EPHA4: variants seen among roughly 807,000 people sequenced by gnomAD.
EPHA4 encodes the protein ephrin type-A receptor 4.
In EPHA4, 19 loss-of-function variants were observed where a neutral mutation model predicts 108.3. The ratio of observed to expected loss-of-function variants is 0.18; its 90% CI spans 0.12 to 0.26. The LOEUF is 0.26. Among genes scored for constraint, EPHA4 ranks in the 10% least tolerant of loss-of-function variants. The pLI, the probability that EPHA4 is intolerant of heterozygous loss-of-function variation, is 1.00. For missense variants in EPHA4, 917 were observed against 1,254.0 expected, an observed-to-expected ratio of 0.73 and a Z score of 4.06; for synonymous variants, 449 against 455.5, an observed-to-expected ratio of 0.99 and a Z score of 0.18.
Position 221,494,404 on chromosome 2 carries a change from G to A in EPHA4, c.979+6613C>T, listed in dbSNP as rs143746387. Among the ~76,000 whole-genome samples the A allele has an allele frequency of 3.4e-3, 521 of 152,310 alleles. 5 individuals are homozygous for A. Among genetic ancestry groups the A allele is most frequent in the African/African-American group, 0.012 (487 of 41,570 alleles). The stretch of plus-strand genomic sequence containing the variant: ...GGATCGCTTGAGGTCAGGAGTTCGA[G>A]ACCAGCCTGGTCAACATAGCGAAAC... On this transcript the variant is annotated intron_variant, in intron 4 of 17. Transcript: ENST00000281821.
chr2:221,432,483 A>G (rs1162762862), intron 14 of EPHA4, among the ~76,000 whole-genome samples: 2 of 152,136 alleles, frequency 1.3e-5, no homozygotes, highest in South Asian at 2.1e-4. Context: ...TGTAATTACT[A>G]TCACTTAGGC....
At chr2:221,510,104 G>C (rs1196228420) in intron 3 of EPHA4, among the ~76,000 whole-genome samples, 1 of 152,182 alleles carries the variant, frequency 6.6e-6, no homozygotes, top group African/African-American at 2.4e-5. Context: ...AGATGGAAAT[G>C]ACCAATGGAT....
In EPHA4 at chr2:221,563,713, C is replaced by A; in HGVS notation, c.823+18G>T. The A allele has an allele frequency of 1.2e-6, 2 of 1,609,368 alleles. No homozygotes were observed. The highest frequency in any genetic ancestry group is 1.7e-6 in the Non-Finnish European group (2 of 1,177,118). Reference sequence around the variant, plus strand: ...GCACTAAGCCCCAGTGAAAAAACTGCAATATGGACCCTCTTACCTTGGCAT... The same window carrying A: ...GCACTAAGCCCCAGTGAAAAAACTGAAATATGGACCCTCTTACCTTGGCAT... On this transcript the variant is annotated intron_variant, in intron 3 of 17. Transcript: ENST00000281821.
chr2:221,543,029 G>A (rs546178244), intron 3 of EPHA4, among the ~76,000 whole-genome samples: 21 of 152,184 alleles, frequency 1.4e-4, no homozygotes, highest in East Asian at 3.9e-4. Context: ...GCTCTTTCTC[G>A]TTATGTTTGT....
At chr2:221,455,692 G>T in intron 7 of EPHA4, 34 bp from the exon 8 acceptor site, 1 of 1,547,994 alleles carries the variant, frequency 6.5e-7, no homozygotes, top group Non-Finnish European at 8.9e-7. Context: ...GTCACCTTTG[G>T]GAAAGTCTTA....
At chr2:221,558,485 T>C (rs1279229376) in intron 3 of EPHA4, among the ~76,000 whole-genome samples, 1 of 152,136 alleles carries the variant, frequency 6.6e-6, no homozygotes, top group South Asian at 2.1e-4. Flanking sequence ...GTCAAACTTA[T>C]ATCATGACCA....
chr2:221,540,030 T>C (rs1693786761), intron 3 of EPHA4, among the ~76,000 whole-genome samples: 1 of 152,084 alleles, frequency 6.6e-6, no homozygotes, highest in Non-Finnish European at 1.5e-5. Context: ...AGCAATCCTC[T>C]CACCACAGAC....
intron 11 of EPHA4, among the ~76,000 whole-genome samples, chr2:221,442,032 C>T (rs990436166): frequency 6.6e-6 from 1 of 152,162 alleles, no homozygotes; most frequent in Non-Finnish European, 1.5e-5. Context: ...TCCACAGACA[C>T]CTTGAATCAA....
intron 10 of EPHA4, 137 bp downstream of exon 10, chr2:221,443,356 T>C: frequency 1.6e-6 from 1 of 623,636 alleles, no homozygotes; most frequent in South Asian, 2.6e-5. Context: ...ACACATGATA[T>C]TTTATACTCA....
chr2:221,447,619 A>C (rs3770186), intron 8 of EPHA4, among the ~76,000 whole-genome samples: 1 of 151,756 alleles, frequency 6.6e-6, no homozygotes, highest in Non-Finnish European at 1.5e-5. Context: ...CAAATAATAA[A>C]ACCTTGCACT....
intron 4 of EPHA4, among the ~76,000 whole-genome samples, chr2:221,494,151 A>G (rs964060684): frequency 1.3e-5 from 2 of 152,242 alleles, no homozygotes; most frequent in African/African-American, 4.8e-5. Flanking sequence ...CAGATTTCCA[A>G]TTGAAAAATA....
chr2:221,427,050 C>A (rs558671790), intron 15 of EPHA4, among the ~76,000 whole-genome samples: 91 of 152,260 alleles, frequency 6.0e-4, no homozygotes, highest in African/African-American at 2.0e-3. Context: ...AGGAAAACTG[C>A]GAGCTTGCCA....
At chr2:221,531,552 C>A (rs894280587) in intron 3 of EPHA4, among the ~76,000 whole-genome samples, 2 of 151,998 alleles carry the variant, frequency 1.3e-5, no homozygotes, top group Non-Finnish European at 1.5e-5. Flanking sequence ...GAAAAGTATG[C>A]AAAGCTACTT....
At chr2:221,517,698 T>C (rs1280408760) in intron 3 of EPHA4, among the ~76,000 whole-genome samples, 1 of 152,176 alleles carries the variant, frequency 6.6e-6, no homozygotes, top group Non-Finnish European at 1.5e-5. Context: ...AAATTTTGAT[T>C]TTCCCCTTGG....
chr2:221,425,874 T>C lies in EPHA4; in HGVS notation c.*154A>G. The C allele has an allele frequency of 1.5e-6, 1 of 666,950 alleles. No individual in the cohort carries two copies. The highest frequency in any genetic ancestry group is 2.6e-6 in the Non-Finnish European group (1 of 383,858). 41.3% of individuals were successfully genotyped at this position (666,950 alleles called of 1,614,324 possible). A position where few individuals can be genotyped will look rare whatever the true frequency, so the allele number is the denominator to read the frequency against. On this transcript the variant is annotated 3_prime_UTR_variant, in exon 17 of 18. Coordinates refer to ENST00000281821, the MANE Select transcript of EPHA4 (RefSeq NM_004438.5). Reference sequence around the variant, plus strand: ...TCTGTAAGCCCCACAGTTTCAGCAATCTGTGCACCAAGCAACGCTGCAGAT... The same window carrying C: ...TCTGTAAGCCCCACAGTTTCAGCAACCTGTGCACCAAGCAACGCTGCAGAT...
At chr2:221,442,748 G>C (rs568846467) in intron 11 of EPHA4, 81 bp downstream of exon 11, 1 of 1,459,846 alleles carries the variant, frequency 6.9e-7, no homozygotes, top group East Asian at 2.3e-5. Flanking sequence ...TGCGCCATCT[G>C]TCATTTCCCT....
intron 2 of EPHA4, among the ~76,000 whole-genome samples, chr2:221,566,566 C>A (rs183089974): frequency 6.6e-6 from 1 of 151,298 alleles, no homozygotes; most frequent in African/African-American, 2.4e-5. Context: ...CTTTTATATA[C>A]AAATAAAATT....
At chr2:221,530,267 T>G (rs771593064) in intron 3 of EPHA4, among the ~76,000 whole-genome samples, 1 of 152,204 alleles carries the variant, frequency 6.6e-6, no homozygotes, top group Non-Finnish European at 1.5e-5. Context: ...CGCCATCAGC[T>G]GTTATTTGTT....
intron 3 of EPHA4, among the ~76,000 whole-genome samples, chr2:221,503,281 A>G (rs1320496958): frequency 6.6e-6 from 1 of 152,238 alleles, no homozygotes; most frequent in East Asian, 1.9e-4. Context: ...AATTTCAACA[A>G]GCATCAAAAA....
Sources: allele counts gnomAD v4.1 joint callset (sites outside exome capture counted in the v4.1 genomes callset), GRCh38; gene constraint gnomAD v4.1.1; transcripts MANE v1.5; gene names NCBI Gene and HGNC (gene_info 2026-07-23, HGNC 2026-07-21).